The following SIK3 variants were observed in gnomAD, a reference collection of about 807,000 sequenced individuals.
SIK3 encodes SIK family kinase 3, also known as serine/threonine-protein kinase SIK3.
In SIK3, 28 loss-of-function variants were observed where a neutral mutation model predicts 144.2. The observed-to-expected ratio is 0.19, with a 90% CI of 0.14 to 0.27. The LOEUF is 0.27. Ranked by LOEUF, SIK3 falls within the 10% of genes least tolerant of loss-of-function variation. The pLI, the probability that SIK3 is intolerant of heterozygous loss-of-function variation, is 1.00. For missense variants in SIK3, 1,319 were observed against 1,776.0 expected (o/e 0.74, Z 4.62); for synonymous variants, 686 against 676.3 (o/e 1.01, Z -0.22).
chr11:116,896,295 C>T lies in SIK3; in HGVS notation c.823G>A (p.Val275Met), dbSNP rs1381036506. 12 of 1,613,824 alleles carry T rather than the reference C, an allele frequency of 7.4e-6. No individual in the cohort carries two copies. The highest frequency in any genetic ancestry group is 3.4e-6 in the Non-Finnish European group (4 of 1,179,880). The stretch of plus-strand genomic sequence containing the variant: ...GGGATGCGGAACTTTCCACTCAGCA[C>T]GCGGGCCCGCAGATTCTGCAGTGTG... Reference protein sequence around the residue: ...GSTLQNLRARVLSGKFRIPFF... With the variant: ...GSTLQNLRARMLSGKFRIPFF... Residue 275 changes from valine to methionine, a missense_variant, in exon 6 of 25, where the codon GTG (valine) becomes ATG (methionine). By Grantham distance (21) the Val-to-Met change is conservative. Coordinates refer to ENST00000445177, the MANE Select transcript of SIK3 (RefSeq NM_001366686.3).
chr11:116,951,470 C>G (rs988430895), intron 3 of SIK3, among the ~76,000 whole-genome samples: 2 of 151,966 alleles, frequency 1.3e-5, no homozygotes, highest in Admixed American at 6.6e-5. Context: ...TAGGTTGGTG[C>G]AAAAGTAATT....
At chr11:116,955,007 T>C (rs745541326) in intron 2 of SIK3, among the ~76,000 whole-genome samples, 4 of 152,210 alleles carry the variant, frequency 2.6e-5, no homozygotes, top group Non-Finnish European at 5.9e-5. Context: ...CTACTTTTTA[T>C]TTACCCCAAT....
At chr11:116,966,775 G>A (rs1471515771) in intron 1 of SIK3, among the ~76,000 whole-genome samples, 5 of 151,468 alleles carry the variant, frequency 3.3e-5, no homozygotes, top group South Asian at 2.1e-4. Context: ...CGAGGTGGGC[G>A]GACTGCCTGG....
At chr11:116,969,284 C>G (rs1381349165) in intron 1 of SIK3, among the ~76,000 whole-genome samples, 1 of 93,388 alleles carries the variant, frequency 1.1e-5, no homozygotes, top group African/African-American at 4.6e-5. Context: ...AGCAAGACTC[C>G]GTCTCAAAAA....
At chr11:116,941,759 G>A (rs796100554) in intron 3 of SIK3, among the ~76,000 whole-genome samples, 18 of 152,244 alleles carry the variant, frequency 1.2e-4, no homozygotes, top group African/African-American at 4.3e-4. Context: ...CATGAGTTCT[G>A]CCTGGTATTC....
rs998600858 is a variant in SIK3 at position 116,934,503 on chromosome 11, T to C, written c.455-7123A>G. On this transcript the variant is annotated intron_variant, in intron 3 of 24. Coordinates refer to ENST00000445177, the MANE Select transcript of SIK3 (RefSeq NM_001366686.3). Reference sequence around the variant, plus strand: ...GCAAAAAGTATACTAAATTTTCTTCTGTCTCTTCCAAATAAACTAAACTTT... The same window carrying C: ...GCAAAAAGTATACTAAATTTTCTTCCGTCTCTTCCAAATAAACTAAACTTT... Among the ~76,000 whole-genome samples the C allele has an allele frequency of 7.2e-5, 11 of 152,268 alleles. 1 individual carries two copies.
At chr11:117,066,490 G>A (rs1220757419) in intron 1 of SIK3, among the ~76,000 whole-genome samples, 1 of 149,856 alleles carries the variant, frequency 6.7e-6, no homozygotes, top group Non-Finnish European at 1.5e-5. Flanking sequence ...CTTGTATCCA[G>A]GATATATAAA....
At position 116,868,026 on chromosome 11, in the gene SIK3, T is replaced by C; in HGVS notation, c.1872A>G (p.Pro624=). ...GTCCTAGCTGCCGTTGTAGGTCCGGTGGGATCTCAGCTGTAGGGTTGGTCA... is the reference window on the plus strand; with the variant it reads ...GTCCTAGCTGCCGTTGTAGGTCCGGCGGGATCTCAGCTGTAGGGTTGGTCA... ...LAMTNPTAEI[P]PDLQRQLGQQ... The change falls in exon 15 of 25, where the codon CCA becomes CCG. Residue 624 remains proline, a synonymous_variant. Transcript: ENST00000445177. 6.4e-7 allele frequency: 1 copy of C among 1,550,532 alleles called. No individual in the cohort carries two copies. Among genetic ancestry groups the C allele is most frequent in the Non-Finnish European group, 8.7e-7 (1 of 1,146,972 alleles).
At chr11:116,848,768 G>C (rs1591356760) in intron 22 of SIK3, among the ~76,000 whole-genome samples, 1 of 152,180 alleles carries the variant, frequency 6.6e-6, no homozygotes, top group South Asian at 2.1e-4. Flanking sequence ...TTCGAGACCA[G>C]CCTAGCCAAC....
chr11:116,891,239 C>A (rs1945087770), intron 6 of SIK3, among the ~76,000 whole-genome samples: 1 of 152,130 alleles, frequency 6.6e-6, no homozygotes, highest in Non-Finnish European at 1.5e-5. Flanking sequence ...ACTGCCTGAG[C>A]CCAGGAACTG....
chr11:117,064,663 A>G (rs1388162462), intron 1 of SIK3, among the ~76,000 whole-genome samples: 1 of 152,232 alleles, frequency 6.6e-6, no homozygotes, highest in African/African-American at 2.4e-5. Context: ...CTTTTTAAAA[A>G]GGCATCTTAA....
At chr11:117,023,414 ATTTTTT>A (rs59626113) in intron 1 of SIK3, among the ~76,000 whole-genome samples, 1 of 138,672 alleles carries the variant, frequency 7.2e-6, no homozygotes, top group Non-Finnish European at 1.6e-5. Context: ...ACACCTGATG[ATTTTTT>A]TTTTTTTTTT....
At chr11:116,973,674 A>G (rs1282693144) in intron 1 of SIK3, among the ~76,000 whole-genome samples, 1 of 152,246 alleles carries the variant, frequency 6.6e-6, no homozygotes, top group African/African-American at 2.4e-5. Flanking sequence ...CAAGGTTAGC[A>G]TCAACAGTAA....
chr11:116,966,832 T>G (rs1369719329), intron 1 of SIK3, among the ~76,000 whole-genome samples: 1 of 151,454 alleles, frequency 6.6e-6, no homozygotes, highest in Non-Finnish European at 1.5e-5. Context: ...AAACCCCGTC[T>G]CTACTAAAAA....
At chr11:117,084,763 A>G (rs2134037505) in intron 1 of SIK3, among the ~76,000 whole-genome samples, 1 of 152,310 alleles carries the variant, frequency 6.6e-6, no homozygotes, top group South Asian at 2.1e-4. Flanking sequence ...CGTGAATGAG[A>G]TGAGTATAAA....
At chr11:116,878,381 CTTTT>C (rs35807799) in intron 6 of SIK3, among the ~76,000 whole-genome samples, 2 of 144,252 alleles carry the variant, frequency 1.4e-5, no homozygotes, top group Non-Finnish European at 3.0e-5. Flanking sequence ...CTCTCTCTCC[CTTTT>C]TTTTTTTTTT....
intron 1 of SIK3, among the ~76,000 whole-genome samples, chr11:117,086,292 A>G (rs1251696027): frequency 6.6e-6 from 1 of 152,206 alleles, no homozygotes; most frequent in Non-Finnish European, 1.5e-5. Context: ...TCTCCTTCAC[A>G]ATCTCCTTGA....
At chr11:117,094,291 A>G (rs143641652) in intron 1 of SIK3, among the ~76,000 whole-genome samples, 94 of 152,296 alleles carry the variant, frequency 6.2e-4, no homozygotes, top group African/African-American at 1.9e-3. Flanking sequence ...TTTTATAGTC[A>G]TGCATACTTT....
chr11:116,850,312 C>T (rs1384869620), intron 21 of SIK3, among the ~76,000 whole-genome samples: 1 of 152,188 alleles, frequency 6.6e-6, no homozygotes, highest in African/African-American at 2.4e-5. Context: ...TTCCCCTCTC[C>T]ATACATTCTA....
Sources: allele counts gnomAD v4.1 joint callset (sites outside exome capture counted in the v4.1 genomes callset), GRCh38; gene constraint gnomAD v4.1.1; transcripts MANE v1.5; gene names NCBI Gene and HGNC (gene_info 2026-07-23, HGNC 2026-07-21).